Variants in PAX5 observed in about 807,000 individuals in gnomAD.
PAX5 encodes paired box 5, also known as paired box protein Pax-5.
In PAX5, 9 loss-of-function variants were observed where a neutral mutation model predicts 43.7. The ratio of observed to expected loss-of-function variants is 0.21; its 90% confidence interval spans 0.12 to 0.36. The LOEUF is 0.36. PAX5 is among the 10% of genes least tolerant of loss of function. The pLI, the probability that PAX5 is intolerant of heterozygous loss-of-function variation, is 1.00. For missense variants in PAX5, 383 were observed against 532.7 expected, an observed-to-expected ratio of 0.72 and a Z score of 2.77; for synonymous variants, 228 against 214.3, an observed-to-expected ratio of 1.06 and a Z score of -0.56.
chr9:37,011,045 T>C (rs1838882340), intron 3 of PAX5, among the ~76,000 whole-genome samples: 1 of 148,730 alleles, frequency 6.7e-6, no homozygotes, highest in African/African-American at 2.5e-5. Context: ...CACCCGAGCC[T>C]GGGAGATCAA....
chr9:36,953,851 T>C (rs1833213216), intron 6 of PAX5, among the ~76,000 whole-genome samples: 1 of 152,178 alleles, frequency 6.6e-6, no homozygotes, highest in South Asian at 2.1e-4. Flanking sequence ...GGCAGGTTGA[T>C]TACCTGGGCT....
At chr9:36,896,182 A>G (rs1001390679) in intron 7 of PAX5, among the ~76,000 whole-genome samples, 1 of 152,104 alleles carries the variant, frequency 6.6e-6, no homozygotes, top group Non-Finnish European at 1.5e-5. Context: ...AAAAGTCAAT[A>G]GGTAAGTATC....
chr9:36,968,655 C>T (rs556951603), intron 5 of PAX5, among the ~76,000 whole-genome samples: 5 of 152,314 alleles, frequency 3.3e-5, no homozygotes, highest in East Asian at 1.9e-4. Context: ...GACCAACGTT[C>T]CCCAGCCTGA....
At chr9:36,949,272 G>A (rs957680067) in intron 6 of PAX5, among the ~76,000 whole-genome samples, 2 of 152,064 alleles carry the variant, frequency 1.3e-5, no homozygotes, top group African/African-American at 4.8e-5. Flanking sequence ...ATGCTAGCCA[G>A]GATGGCCTCG....
At chr9:36,966,202 G>A (rs558681237) in intron 6 of PAX5, among the ~76,000 whole-genome samples, 31 of 152,304 alleles carry the variant, frequency 2.0e-4, no homozygotes, top group South Asian at 2.1e-4. Context: ...CACCCTGACT[G>A]ACAAGATACT....
At chr9:36,958,472 G>C (rs537044467) in intron 6 of PAX5, among the ~76,000 whole-genome samples, 5 of 152,084 alleles carry the variant, frequency 3.3e-5, no homozygotes, top group African/African-American at 1.2e-4. Flanking sequence ...GGGTTGGTGG[G>C]GGGAAGTGTG....
At chr9:36,942,278 G>A (rs760411400) in intron 6 of PAX5, among the ~76,000 whole-genome samples, 2 of 152,358 alleles carry the variant, frequency 1.3e-5, no homozygotes, top group African/African-American at 2.4e-5. Flanking sequence ...TGATCAAGGG[G>A]ACACTGTTGT....
intron 7 of PAX5, among the ~76,000 whole-genome samples, chr9:36,910,795 G>A (rs870559): frequency 0.24 from 36,527 of 151,970 alleles, 5,068 homozygotes; most frequent in East Asian, 0.5. Flanking sequence ...CTGACCCCGC[G>A]CTGTGTGAAG....
chr9:36,874,855 G>A (rs1825783443), intron 8 of PAX5, among the ~76,000 whole-genome samples: 3 of 152,180 alleles, frequency 2.0e-5, no homozygotes, highest in Non-Finnish European at 4.4e-5. Context: ...CCAGGCCCCT[G>A]TGTAAATAAT....
intron 1 of PAX5, among the ~76,000 whole-genome samples, chr9:37,030,075 C>A (rs2132562438): frequency 6.6e-6 from 1 of 152,294 alleles, no homozygotes; most frequent in African/African-American, 2.4e-5. Context: ...GGGCACGGCC[C>A]GAGCAGGAGT....
chr9:36,852,561 C>T (rs1823260579), intron 8 of PAX5, among the ~76,000 whole-genome samples: 2 of 152,214 alleles, frequency 1.3e-5, no homozygotes, highest in Non-Finnish European at 1.5e-5. Context: ...GCCATGGCAC[C>T]TCACCCTCAC....
At chr9:36,976,997 C>G (rs1477583985) in intron 5 of PAX5, among the ~76,000 whole-genome samples, 5 of 152,200 alleles carry the variant, frequency 3.3e-5, no homozygotes, top group Admixed American at 1.3e-4. Context: ...CCTGCCCTTC[C>G]CACCAGAGCT....
intron 3 of PAX5, among the ~76,000 whole-genome samples, chr9:37,010,616 C>T (rs764340185): frequency 6.6e-5 from 10 of 152,122 alleles, no homozygotes; most frequent in South Asian, 2.1e-4. Flanking sequence ...CATCATCCCA[C>T]GCCCCCCGCC....
At chr9:36,865,983 GC>G (rs1824836371) in intron 8 of PAX5, among the ~76,000 whole-genome samples, 1 of 152,194 alleles carries the variant, frequency 6.6e-6, no homozygotes, top group Middle Eastern at 3.2e-3. Flanking sequence ...ATCCACTCCT[GC>G]CCCACCGGGA....
intron 7 of PAX5, among the ~76,000 whole-genome samples, chr9:36,889,943 G>GA (rs202186581): frequency 1.3e-5 from 1 of 76,562 alleles, no homozygotes; most frequent in Non-Finnish European, 2.4e-5. Context: ...TACACTAACG[G>GA]GGGGGGGGGG....
intron 5 of PAX5, among the ~76,000 whole-genome samples, chr9:36,998,044 T>C (rs1156557919): frequency 6.6e-5 from 10 of 152,258 alleles, no homozygotes; most frequent in Admixed American, 6.5e-4. Flanking sequence ...CCTCTGATGA[T>C]GGAGAGCTCA....
intron 4 of PAX5, among the ~76,000 whole-genome samples, chr9:37,004,954 T>A (rs149143961): frequency 6.6e-6 from 1 of 152,374 alleles, no homozygotes; most frequent in Non-Finnish European, 1.5e-5. Flanking sequence ...TAAGGGGCTA[T>A]ATGTATGCGA....
At chr9:36,849,858 A>G (rs1822980285) in intron 8 of PAX5, among the ~76,000 whole-genome samples, 1 of 152,154 alleles carries the variant, frequency 6.6e-6, no homozygotes, top group East Asian at 1.9e-4. Flanking sequence ...CGTGAGGCTG[A>G]CCTAGAGGCT....
chr9:36,937,305 G>C (rs1008472488), intron 6 of PAX5, among the ~76,000 whole-genome samples: 6 of 152,090 alleles, frequency 3.9e-5, no homozygotes, highest in Non-Finnish European at 7.4e-5. Context: ...GAGACACAAG[G>C]TGCCAAAATA....
Sources: gnomAD v4.1 joint callset for allele counts (sites outside exome capture counted in the v4.1 genomes callset) on GRCh38, gnomAD v4.1.1 for gene constraint, MANE v1.5 for transcripts, NCBI Gene and HGNC (gene_info 2026-07-23, HGNC 2026-07-21) for gene names.